ALK: variants seen among roughly 807,000 people sequenced by gnomAD.
The protein encoded by ALK is ALK receptor tyrosine kinase, also known as ALK tyrosine kinase receptor.
ALK carries 74 observed loss-of-function variants against 163.1 expected under a neutral mutation model. That is an observed-to-expected ratio of 0.45 (90% CI 0.38 to 0.55). The LOEUF (loss-of-function observed/expected upper bound fraction) is 0.55, where lower values mean the gene tolerates loss of function less well. Ranked by LOEUF, ALK falls within the 20% of genes least tolerant of loss-of-function variation. The pLI is 0.00. For synonymous variants in ALK, 960 were observed against 843.2 expected (o/e 1.14, Z -2.40); for missense variants, 2,063 against 2,105.3 (o/e 0.98, Z 0.39).
intron 1 of ALK, among the ~76,000 whole-genome samples, chr2:29,785,750 C>T (rs985260235): frequency 6.6e-6 from 1 of 152,138 alleles, no homozygotes; most frequent in African/African-American, 2.4e-5. Context: ...CCACAGACCA[C>T]TACCACACTA....
At chr2:29,436,458 C>G (rs1428787522) in intron 4 of ALK, among the ~76,000 whole-genome samples, 1 of 152,176 alleles carries the variant, frequency 6.6e-6, no homozygotes, top group Non-Finnish European at 1.5e-5. Flanking sequence ...ACCTTTGCAT[C>G]AAATTATTAC....
At position 29,383,119 on chromosome 2, in the gene ALK, G is replaced by A. The variant is rs190540506; in HGVS notation, c.1282+613C>T. Among the ~76,000 whole-genome samples, 115 of 152,098 alleles carry A rather than the reference G, an allele frequency of 7.6e-4. 2 individuals carry two copies. The highest frequency in any genetic ancestry group is 6.4e-3 in the Admixed American group (97 of 15,260). On this transcript the variant is annotated intron_variant, in intron 5 of 28. Coordinates refer to ENST00000389048, the MANE Select transcript of ALK (RefSeq NM_004304.5). ...TGCCTCAGGCTTCCTCTGGGTCCAC[G>A]CTTCATTCTTGGGCCCCTGATCCTC...
intron 4 of ALK, among the ~76,000 whole-genome samples, chr2:29,411,005 A>T (rs1373171617): frequency 2.6e-5 from 4 of 152,234 alleles, no homozygotes; most frequent in Non-Finnish European, 5.9e-5. Flanking sequence ...TAAAACATAA[A>T]TACGTTGCTC....
intron 3 of ALK, among the ~76,000 whole-genome samples, chr2:29,595,027 A>C (rs1164634554): frequency 6.6e-6 from 1 of 152,150 alleles, no homozygotes; most frequent in East Asian, 1.9e-4. Context: ...ATGCGTCTAA[A>C]TATCTTTTTA....
rs1478807287 is a variant in ALK at position 29,591,095 on chromosome 2, A to AAC, written c.953-58980_953-58979insGT. Among the ~76,000 whole-genome samples, 489 of 148,744 alleles carry AAC rather than the reference A, an allele frequency of 3.3e-3. 8 individuals carry two copies. Among genetic ancestry groups the AAC allele is most frequent in the African/African-American group, 0.012 (460 of 39,362 alleles). On this transcript the variant is annotated intron_variant, in intron 3 of 28. Transcript: ENST00000389048. ...CAAAAAAAAAAAAAAAAAAAAAAAA[A>AAC]AAAAATCCCACTGCAGTGGCCCCTT... is the stretch of plus-strand genomic sequence containing the variant.
intron 1 of ALK, among the ~76,000 whole-genome samples, chr2:29,905,959 G>C (rs1173294412): frequency 6.6e-6 from 1 of 152,170 alleles, no homozygotes; most frequent in Non-Finnish European, 1.5e-5. Context: ...TCATCTCAGA[G>C]AAGGAGGTTG....
chr2:29,202,880 G>A (rs1182757664), intron 26 of ALK, among the ~76,000 whole-genome samples: 3 of 152,104 alleles, frequency 2.0e-5, no homozygotes, highest in Non-Finnish European at 2.9e-5. Flanking sequence ...AACATCCAGC[G>A]CCCAAGTCTA....
intron 1 of ALK, among the ~76,000 whole-genome samples, chr2:29,804,570 A>G (rs1572393133): frequency 6.6e-6 from 1 of 152,192 alleles, no homozygotes; most frequent in Non-Finnish European, 1.5e-5. Context: ...TAGCTCACTT[A>G]CCTGGCGGCC....
chr2:29,233,393 G>T (rs1361679278), intron 14 of ALK, among the ~76,000 whole-genome samples, 172 bp downstream of exon 14: 1 of 152,124 alleles, frequency 6.6e-6, no homozygotes, highest in African/African-American at 2.4e-5. Context: ...TGATCCTCCT[G>T]CCTTGGCCTC....
chr2:29,873,804 C>G (rs1666635775), intron 1 of ALK, among the ~76,000 whole-genome samples: 1 of 151,934 alleles, frequency 6.6e-6, no homozygotes, highest in Admixed American at 6.6e-5. Context: ...AACATCATTA[C>G]CCAGGATAGC....
chr2:29,216,735 TG>T (rs1669620833), intron 23 of ALK, among the ~76,000 whole-genome samples: 1 of 151,238 alleles, frequency 6.6e-6, no homozygotes, highest in Non-Finnish European at 1.5e-5. Context: ...TATATGTGTT[TG>T]TGTTTTGTGT....
intron 1 of ALK, among the ~76,000 whole-genome samples, chr2:29,784,069 G>A (rs893804493): frequency 2.0e-5 from 3 of 152,082 alleles, no homozygotes; most frequent in Non-Finnish European, 2.9e-5. Context: ...GCGAGACAAC[G>A]AGAGAGCGAG....
chr2:29,380,785 G>A (rs1668877316), intron 5 of ALK, among the ~76,000 whole-genome samples: 1 of 152,088 alleles, frequency 6.6e-6, no homozygotes, highest in Admixed American at 6.6e-5. Flanking sequence ...TCACTATCAC[G>A]AGAATAGCAA....
intron 4 of ALK, among the ~76,000 whole-genome samples, chr2:29,439,584 C>A (rs192631235): frequency 6.6e-6 from 1 of 151,910 alleles, no homozygotes; most frequent in Admixed American, 6.5e-5. Context: ...TAACTCCTGG[C>A]ACCTGTGAAT....
rs545814829 is a variant in ALK, at chr2:29,672,656, T to G, written c.952+22194A>C. ...AAACATACGTGTGCATGTGTCTTCA[T>G]AGCAGCATGATTTATAGTCCTTTGG... On this transcript the variant is annotated intron_variant, in intron 3 of 28. Coordinates refer to ENST00000389048, the MANE Select transcript of ALK (RefSeq NM_004304.5). Among the ~76,000 whole-genome samples, 1,244 of 152,272 alleles carry G rather than the reference T, an allele frequency of 8.2e-3. 15 individuals carry two copies. The highest frequency in any genetic ancestry group is 0.044 in the South Asian group (214 of 4,822).
At chr2:29,693,430 C>CACACACACACACAG (rs1678460571) in intron 3 of ALK, among the ~76,000 whole-genome samples, 1 of 150,520 alleles carries the variant, frequency 6.6e-6, no homozygotes, top group Non-Finnish European at 1.5e-5. Flanking sequence ...CACACACACA[C>CACACACACACACAG]ACACACAGAC....
intron 3 of ALK, among the ~76,000 whole-genome samples, chr2:29,571,910 C>T (rs555377770): frequency 6.6e-6 from 1 of 152,210 alleles, no homozygotes; most frequent in African/African-American, 2.4e-5. Context: ...TAGAGCACCC[C>T]ACTGGCAAGT....
intron 1 of ALK, among the ~76,000 whole-genome samples, chr2:29,810,330 G>C (rs1395771919): frequency 6.6e-6 from 1 of 151,046 alleles, no homozygotes; most frequent in Non-Finnish European, 1.5e-5. Context: ...GCTGAGGCAG[G>C]AGAATCGCTT....
chr2:29,359,663 C>T (rs1030980059), intron 5 of ALK, among the ~76,000 whole-genome samples: 5 of 152,190 alleles, frequency 3.3e-5, no homozygotes, highest in African/African-American at 9.7e-5. Context: ...TCCAGAGATT[C>T]GATTCATAAA....
Sources: gnomAD v4.1 joint callset for allele counts (sites outside exome capture counted in the v4.1 genomes callset) on GRCh38, gnomAD v4.1.1 for gene constraint, MANE v1.5 for transcripts, NCBI Gene and HGNC (gene_info 2026-07-23, HGNC 2026-07-21) for gene names.